The following DNAJC21 variants were observed in gnomAD, a reference collection of about 807,000 sequenced individuals.
The protein encoded by DNAJC21 is DnaJ heat shock protein family (Hsp40) member C21.
Under a neutral mutation model 72.4 loss-of-function variants are expected in DNAJC21, and 63 were observed. The observed-to-expected ratio is 0.87, with a 90% CI of 0.71 to 1.07. DNAJC21 has a LOEUF of 1.07. DNAJC21 is among the 50% of genes least tolerant of loss of function. The probability of loss-of-function intolerance (pLI) is 0.00; values close to 1 mark genes in which losing one functional copy is unlikely to be tolerated. For missense variants in DNAJC21, 634 were observed against 644.8 expected, an observed-to-expected ratio of 0.98 and a Z score of 0.18; for synonymous variants, 203 against 216.7, an observed-to-expected ratio of 0.94 and a Z score of 0.56.
At chr5:34,953,829 G>T in intron 10 of DNAJC21, 97 bp from the exon 11 acceptor site, 1 of 658,682 alleles carries the variant, frequency 1.5e-6, no homozygotes, top group Non-Finnish European at 2.4e-6. Context: ...CTTTTAAAGT[G>T]CAGTTCACTT....
rs575057664 is a variant in DNAJC21 at position 34,934,694 on chromosome 5, C to A, written c.191+786C>A. ...TGTTGAAGTTCTGAGTTTTCAGATTCTCAATTAACTTTTTGCTACAAGGAA... is the reference window on the plus strand; with the variant it reads ...TGTTGAAGTTCTGAGTTTTCAGATTATCAATTAACTTTTTGCTACAAGGAA... On this transcript the variant is annotated intron_variant, in intron 2 of 11. Transcript: ENST00000648817. Among the ~76,000 whole-genome samples the A allele has an allele frequency of 6.6e-5, 10 of 152,258 alleles. 2 individuals are homozygous for A. In the South Asian group the frequency reaches 2.1e-3, roughly 32 times the overall value.
intron 9 of DNAJC21, chr5:34,949,555 A>G: frequency 6.4e-7 from 1 of 1,557,316 alleles, no homozygotes. Flanking sequence ...TGTACCTGGC[A>G]AAGATTCATA....
chr5:34,943,750 A>G (rs1219625266), intron 7 of DNAJC21, among the ~76,000 whole-genome samples: 3 of 152,148 alleles, frequency 2.0e-5, no homozygotes, highest in South Asian at 4.1e-4. Context: ...ATCAGTTAGC[A>G]CTTGGCCTTC....
intron 1 of DNAJC21, among the ~76,000 whole-genome samples, chr5:34,932,049 A>G (rs1037426857): frequency 6.6e-6 from 1 of 152,228 alleles, no homozygotes; most frequent in Admixed American, 6.5e-5. Flanking sequence ...CGGCAAAACT[A>G]TTTGTAGATA....
chr5:34,950,910 A>C (rs759179122), intron 10 of DNAJC21: 13 of 985,404 alleles, frequency 1.3e-5, no homozygotes, highest in Non-Finnish European at 1.6e-5. Context: ...TCTTTTCCCC[A>C]TCCTCCTCGG....
Position 34,929,793 on chromosome 5 carries a change from A to C in DNAJC21, c.-27A>C. The C allele has an allele frequency of 7.7e-7, 1 of 1,305,680 alleles. No individual in the cohort carries two copies. The highest frequency in any genetic ancestry group is 1.0e-6 in the Non-Finnish European group (1 of 1,003,226). 80.9% of individuals were successfully genotyped at this position (1,305,680 alleles called of 1,614,324 possible). On this transcript the variant is annotated 5_prime_UTR_variant, in exon 1 of 12. Transcript: ENST00000648817. The stretch of plus-strand genomic sequence containing the variant: ...GGGCCCCGACCCCGTCCCGGGCCCC[A>C]GCGCCGGCCGCCCGCCCGGTCGGGC...
chr5:34,930,924 C>A (rs1764568181), intron 1 of DNAJC21, among the ~76,000 whole-genome samples: 2 of 152,212 alleles, frequency 1.3e-5, no homozygotes, highest in Non-Finnish European at 2.9e-5. Context: ...CTAATATATG[C>A]TCCAGGAATT....
intron 7 of DNAJC21, among the ~76,000 whole-genome samples, chr5:34,941,630 G>A (rs1156254331): frequency 1.5e-5 from 2 of 132,748 alleles, no homozygotes; most frequent in Non-Finnish European, 3.1e-5. Context: ...GCAGTGGCAC[G>A]ATCTCAGCTC....
At chr5:34,945,077 G>A (rs1488654306) in intron 8 of DNAJC21, 52 bp downstream of exon 8, 4 of 1,582,362 alleles carry the variant, frequency 2.5e-6, no homozygotes, top group African/African-American at 2.7e-5. Context: ...TTCAGAGATT[G>A]CATTAAAAGG....
At chr5:34,933,653 A>C (rs1580522827) in intron 1 of DNAJC21, among the ~76,000 whole-genome samples, 162 bp from the exon 2 acceptor site, 1 of 152,084 alleles carries the variant, frequency 6.6e-6, no homozygotes, top group East Asian at 1.9e-4. Flanking sequence ...GCTTTTAACA[A>C]ATCCTGATTA....
chr5:34,935,894 A>T, intron 3 of DNAJC21, 61 bp downstream of exon 3: 5 of 1,599,714 alleles, frequency 3.1e-6, no homozygotes, highest in Non-Finnish European at 4.3e-6. Context: ...CTCACATACA[A>T]AGAGAATTCT....
chr5:34,937,293 G>C, intron 4 of DNAJC21, 33 bp from the exon 5 acceptor site: 1 of 1,561,588 alleles, frequency 6.4e-7, no homozygotes, highest in Middle Eastern at 1.7e-4. Flanking sequence ...AAATCTTAAA[G>C]CGCAGAAGTT....
rs368417081 is a variant in DNAJC21 at position 34,937,405 on chromosome 5, G to A, written c.518G>A (p.Arg173Gln). 135 of 1,614,108 alleles carry A rather than the reference G, an allele frequency of 8.4e-5. No individual in the cohort carries two copies. The highest frequency in any genetic ancestry group is 1.0e-4 in the Non-Finnish European group (121 of 1,180,020). ...NFAWKEEYDT[R>Q]QASNRWEKRA... ...GCATGGAAGGAAGAATATGATACACGACAGGCTTCAAACCGCTGGGAAAAA... is the reference window on the plus strand; with the variant it reads ...GCATGGAAGGAAGAATATGATACACAACAGGCTTCAAACCGCTGGGAAAAA... The change falls in exon 5 of 12, where the codon CGA becomes CAA. Residue 173 changes from arginine to glutamine, a missense_variant. Transcript: ENST00000648817.
Position 34,954,760 on chromosome 5 carries a change from C to A in DNAJC21, c.*46C>A. 6.7e-7 allele frequency: 1 copy of A among 1,494,962 alleles called. No homozygotes were observed. The highest frequency in any genetic ancestry group is 8.9e-7 in the Non-Finnish European group (1 of 1,118,598). 92.6% of individuals were successfully genotyped at this position (1,494,962 alleles called of 1,614,324 possible). On this transcript the variant is annotated 3_prime_UTR_variant, in exon 12 of 12. Coordinates refer to ENST00000648817, the MANE Select transcript of DNAJC21 (RefSeq NM_001012339.3). ...TTTGACTGTCTCTAGATTTTGAAAC[C>A]AAAAAACTGAACTGAAATCATCTAA... is the stretch of plus-strand genomic sequence containing the variant.
rs771072934 is a variant in DNAJC21, at chr5:34,929,770, G to T, written c.-50G>T. ...CGCCGCCGCTTCGGCCCGGGCCCGG[G>T]CCCCGACCCCGTCCCGGGCCCCAGC... On this transcript the variant is annotated 5_prime_UTR_variant, in exon 1 of 12. Transcript: ENST00000648817. 2.2e-5 allele frequency: 23 copies of T among 1,052,006 alleles called. No homozygotes were observed. The highest frequency in any genetic ancestry group is 2.7e-5 in the Non-Finnish European group (23 of 850,890). The allele number at this position is 1,052,006 out of a possible 1,614,324, so 65.2% of individuals were successfully genotyped here. A position where few individuals can be genotyped will look rare whatever the true frequency, so the allele number is the denominator to read the frequency against.
At chr5:34,943,354 T>C (rs1336658997) in intron 7 of DNAJC21, among the ~76,000 whole-genome samples, 1 of 152,218 alleles carries the variant, frequency 6.6e-6, no homozygotes, top group Non-Finnish European at 1.5e-5. Flanking sequence ...GTGCATTTCC[T>C]CATGATTAGA....
At chr5:34,934,470 A>G (rs530644015) in intron 2 of DNAJC21, among the ~76,000 whole-genome samples, 3 of 151,694 alleles carry the variant, frequency 2.0e-5, no homozygotes, top group South Asian at 2.1e-4. Flanking sequence ...ACCTCAAGCA[A>G]TCCACCTGCC....
intron 9 of DNAJC21, 32 bp from the exon 10 acceptor site, chr5:34,950,138 T>G (rs1225323764): frequency 3.8e-6 from 6 of 1,565,686 alleles, no homozygotes; most frequent in Non-Finnish European, 5.2e-6. Flanking sequence ...ATTATATTTA[T>G]TTTGTAACGG....
intron 7 of DNAJC21, among the ~76,000 whole-genome samples, chr5:34,944,456 A>G (rs1765104922): frequency 6.6e-6 from 1 of 152,230 alleles, no homozygotes; most frequent in Non-Finnish European, 1.5e-5. Context: ...ACACTTAGCA[A>G]ATACTTAGTG....
Sources: gnomAD v4.1 joint callset for allele counts (sites outside exome capture counted in the v4.1 genomes callset) on GRCh38, gnomAD v4.1.1 for gene constraint, MANE v1.5 for transcripts, NCBI Gene and HGNC (gene_info 2026-07-23, HGNC 2026-07-21) for gene names.